The following PRKACB variants were observed in gnomAD, a reference collection of about 807,000 sequenced individuals.
PRKACB encodes protein kinase cAMP-activated catalytic subunit beta.
In PRKACB, 16 loss-of-function variants were observed where a neutral mutation model predicts 51.4. That is an observed-to-expected ratio of 0.31 (90% CI 0.21 to 0.47). The LOEUF (loss-of-function observed/expected upper bound fraction) is 0.47. PRKACB is among the 20% of genes least tolerant of loss of function. PRKACB has a pLI of 1.00. For synonymous variants in PRKACB, 147 were observed against 154.4 expected, an observed-to-expected ratio of 0.95 and a Z score of 0.35; for missense variants, 309 against 464.5, an observed-to-expected ratio of 0.67 and a Z score of 3.08.
intron 1 of PRKACB, among the ~76,000 whole-genome samples, chr1:84,154,377 A>G (rs770237325): frequency 6.6e-6 from 1 of 152,136 alleles, no homozygotes; most frequent in Non-Finnish European, 1.5e-5. Flanking sequence ...GTTTGATGCA[A>G]TGAACAAACC....
intron 1 of PRKACB, among the ~76,000 whole-genome samples, chr1:84,166,324 C>A (rs1233305943): frequency 6.6e-6 from 1 of 151,586 alleles, no homozygotes; most frequent in Non-Finnish European, 1.5e-5. Context: ...TTGAATCAGG[C>A]CAATGCATAT....
intron 1 of PRKACB, among the ~76,000 whole-genome samples, chr1:84,122,059 C>CTA (rs1432060173): frequency 1.3e-5 from 2 of 152,072 alleles, no homozygotes; most frequent in Admixed American, 1.3e-4. Context: ...TGTTAAGTCT[C>CTA]TGAGTGGTTT....
intron 1 of PRKACB, among the ~76,000 whole-genome samples, chr1:84,135,090 A>C (rs373067971): frequency 6.7e-4 from 102 of 152,338 alleles, no homozygotes; most frequent in African/African-American, 2.3e-3. Context: ...GATATACCAT[A>C]TAATCACTAA....
chr1:84,152,791 A>G (rs1193923653), intron 1 of PRKACB, among the ~76,000 whole-genome samples: 2 of 152,112 alleles, frequency 1.3e-5, no homozygotes, highest in African/African-American at 2.4e-5. Flanking sequence ...AACTTTCTCT[A>G]TATCAACAAT....
intron 1 of PRKACB, among the ~76,000 whole-genome samples, chr1:84,126,142 G>A (rs1651581818): frequency 6.6e-6 from 1 of 152,144 alleles, no homozygotes; most frequent in African/African-American, 2.4e-5. Context: ...GTGTTACAGT[G>A]TGCTCATTTA....
chr1:84,201,282 A>T (rs1174295550), intron 7 of PRKACB, among the ~76,000 whole-genome samples: 1 of 151,924 alleles, frequency 6.6e-6, no homozygotes, highest in East Asian at 1.9e-4. Flanking sequence ...TTTAATTCTC[A>T]TGTTTTTTAT....
At chr1:84,187,606 C>T (rs1665539210) in intron 5 of PRKACB, among the ~76,000 whole-genome samples, 1 of 152,040 alleles carries the variant, frequency 6.6e-6, no homozygotes, top group South Asian at 2.1e-4. Flanking sequence ...GAGCGGTTCT[C>T]ATTTTAGTAA....
At chr1:84,169,362 A>G (rs1168879676) in intron 1 of PRKACB, among the ~76,000 whole-genome samples, 2 of 151,690 alleles carry the variant, frequency 1.3e-5, no homozygotes, top group Non-Finnish European at 3.0e-5. Flanking sequence ...TGAAAAGATT[A>G]CTGGCTGAGA....
chr1:84,187,035 A>G (rs1321704299), intron 5 of PRKACB, among the ~76,000 whole-genome samples: 1 of 152,204 alleles, frequency 6.6e-6, no homozygotes, highest in Non-Finnish European at 1.5e-5. Context: ...GTATTTGTGC[A>G]GTGCTTTTGA....
chr1:84,171,116 C>A (rs1383339584), intron 1 of PRKACB, among the ~76,000 whole-genome samples: 2 of 151,232 alleles, frequency 1.3e-5, no homozygotes, highest in Non-Finnish European at 3.0e-5. Flanking sequence ...AATAACTTAC[C>A]AAATAATTAA....
chr1:84,179,190 A>G lies in PRKACB; in HGVS notation c.201A>G (p.Leu67=). 2 of 1,587,834 alleles carry G rather than the reference A, an allele frequency of 1.3e-6. No homozygotes were observed. The highest frequency in any genetic ancestry group is 1.7e-6 in the Non-Finnish European group (2 of 1,166,150). ...ALWDRSMKEF[L]AKAKEDFLKK... is the part of the protein sequence containing the mutation. ...GTATATTTTCAGTGAAAGAGTTTCT[A>G]GCCAAAGCCAAAGAAGACTTTTTGA... Residue 67 remains leucine (L), a synonymous_variant, in exon 2 of 10, where the codon CTA becomes CTG. Coordinates refer to ENST00000370685, the MANE Select transcript of PRKACB (RefSeq NM_182948.4).
At chr1:84,103,440 G>T (rs942866076) in intron 1 of PRKACB, among the ~76,000 whole-genome samples, 2 of 151,878 alleles carry the variant, frequency 1.3e-5, no homozygotes, top group African/African-American at 4.8e-5. Context: ...GGGGTGGGGG[G>T]TAGAGAAAGA....
Position 84,078,427 on chromosome 1 carries a change from G to C in PRKACB, c.46+56G>C, listed in dbSNP as rs923999461. 3.2e-6 allele frequency: 5 copies of C among 1,585,764 alleles called. No homozygotes were observed. In the South Asian group the frequency reaches 5.7e-5, roughly 18 times the overall value. Reference sequence around the variant, plus strand: ...TGGGCGGGCCGGCGCGGGGCACCGAGCGCCCTCCGGGTCGCAGCTTCTGAG... The same window carrying C: ...TGGGCGGGCCGGCGCGGGGCACCGACCGCCCTCCGGGTCGCAGCTTCTGAG... On this transcript the variant is annotated intron_variant, in intron 1 of 8. Transcript: ENST00000370688.
chr1:84,124,345 G>A (rs1651368004), intron 1 of PRKACB, among the ~76,000 whole-genome samples: 2 of 152,162 alleles, frequency 1.3e-5, no homozygotes, highest in South Asian at 4.1e-4. Flanking sequence ...GAACTTCTAT[G>A]CATGATTTTT....
chr1:84,079,262 T>C (rs1450773799), intron 1 of PRKACB, among the ~76,000 whole-genome samples: 1 of 152,224 alleles, frequency 6.6e-6, no homozygotes, highest in Non-Finnish European at 1.5e-5. Flanking sequence ...AGTTCATATA[T>C]TTTTATAATT....
chr1:84,174,703 G>T (rs1023495937), intron 1 of PRKACB, among the ~76,000 whole-genome samples: 1 of 151,862 alleles, frequency 6.6e-6, no homozygotes, highest in African/African-American at 2.4e-5. Context: ...TCCAGAGATG[G>T]TATTGCAATA....
intron 1 of PRKACB, among the ~76,000 whole-genome samples, chr1:84,127,883 A>AT (rs1174356561): frequency 1.3e-5 from 2 of 151,988 alleles, no homozygotes; most frequent in African/African-American, 4.8e-5. Context: ...CTTAGTGGGA[A>AT]TTTTTTGTTT....
chr1:84,127,501 C>G (rs533345703), intron 1 of PRKACB, among the ~76,000 whole-genome samples: 6 of 152,220 alleles, frequency 3.9e-5, no homozygotes, highest in African/African-American at 1.4e-4. Flanking sequence ...GTTAATTTAC[C>G]TGCTGGTATT....
intron 9 of PRKACB, among the ~76,000 whole-genome samples, chr1:84,227,178 C>T (rs1674757357): frequency 6.6e-6 from 1 of 151,886 alleles, no homozygotes; most frequent in African/African-American, 2.4e-5. Context: ...AGAAAGTTTC[C>T]AGGCTTTTAT....
Sources: allele counts gnomAD v4.1 joint callset (sites outside exome capture counted in the v4.1 genomes callset), GRCh38; gene constraint gnomAD v4.1.1; transcripts MANE v1.5; gene names NCBI Gene and HGNC (gene_info 2026-07-23, HGNC 2026-07-21).